ZNF320: variants seen among roughly 807,000 people sequenced by gnomAD.
The protein encoded by ZNF320 is zinc finger protein 320.
Under a neutral mutation model 6.8 loss-of-function variants are expected in ZNF320, and 2 were observed. The observed-to-expected ratio is 0.29, with a 90% confidence interval of 0.12 to 0.93. ZNF320 has a LOEUF of 0.93. Among genes scored for constraint, ZNF320 ranks in the 40% least tolerant of loss-of-function variants. ZNF320 has a pLI of 0.55. For missense variants in ZNF320, 472 were observed against 611.0 expected (o/e 0.77, Z 2.40); for synonymous variants, 208 against 203.2 (o/e 1.02, Z -0.20).
At position 52,867,190 on chromosome 19, in the gene ZNF320, AT is replaced by A. The variant is rs1455411502; in HGVS notation, c.224-3032del. ...ATTTAATTAATTAATTAATTAATTA[AT>A]TTATTTATTTATGTATTTATTTTTT... On this transcript the variant is annotated intron_variant, in intron 5 of 5. Coordinates refer to the ZNF320 transcript ENST00000673631. Among the ~76,000 whole-genome samples, 805 of 149,572 alleles carry A rather than the reference AT, an allele frequency of 5.4e-3. 9 individuals are homozygous for A. The highest frequency in any genetic ancestry group is 0.017 in the African/African-American group (687 of 39,360).
At chr19:52,872,692 G>A (rs180958221), downstream of ZNF320, among the ~76,000 whole-genome samples, 3 of 152,158 alleles carry the variant, frequency 2.0e-5, no homozygotes, top group African/African-American at 4.8e-5. Context: ...TAGTAGAGAC[G>A]GGGTTTCACC....
rs1033994925 is a variant in ZNF320, at chr19:52,897,510, G to C, written c.-270+10C>G. 3 of 152,224 alleles carry C rather than the reference G, an allele frequency of 2.0e-5. No individual in the cohort carries two copies. The highest frequency in any genetic ancestry group is 4.4e-5 in the Non-Finnish European group (3 of 68,070). 9.4% of individuals were successfully genotyped at this position (152,224 alleles called of 1,614,324 possible). A position where few individuals can be genotyped will look rare whatever the true frequency, so the allele number is the denominator to read the frequency against. The stretch of plus-strand genomic sequence containing the variant: ...CCACTTTAAACTCGAAGGGACTCAC[G>C]GACTCTCACCCGGACGTCTCAATTT... On this transcript the variant is annotated intron_variant, in intron 1 of 5. Coordinates refer to ENST00000682928, the MANE Select transcript of ZNF320 (RefSeq NM_001351774.2).
downstream of ZNF320, chr19:52,873,952 G>T (rs781378595): frequency 2.1e-5 from 9 of 422,686 alleles, 1 homozygote; most frequent in South Asian, 1.7e-4. Context: ...ATTTCAGAAA[G>T]GAAAGAGACA....
chr19:52,891,661 A>C (rs1252124083), intron 2 of ZNF320, among the ~76,000 whole-genome samples: 2 of 152,214 alleles, frequency 1.3e-5, no homozygotes, highest in Non-Finnish European at 2.9e-5. Flanking sequence ...GGACACTGGC[A>C]GGGGCCCTGG....
At chr19:52,870,591 A>G (rs1054515855) in intron 5 of ZNF320, among the ~76,000 whole-genome samples, 1 of 151,848 alleles carries the variant, frequency 6.6e-6, no homozygotes, top group Non-Finnish European at 1.5e-5. Context: ...CCATCCATGT[A>G]TTTATGCACA....
In ZNF320 at chr19:52,876,255, C is replaced by T. The variant is rs1421001826; in HGVS notation, c.*4341G>A. ...TTTATCAAGTACACATCGAAACAACCTAAAATCATTTATCAGGTACTAGAA... is the reference window on the plus strand; with the variant it reads ...TTTATCAAGTACACATCGAAACAACTTAAAATCATTTATCAGGTACTAGAA... On this transcript the variant is annotated 3_prime_UTR_variant, in exon 6 of 6. Coordinates refer to ENST00000682928, the MANE Select transcript of ZNF320 (RefSeq NM_001351774.2). The T allele has an allele frequency of 6.6e-6, 1 of 152,102 alleles. No homozygotes were observed. Among genetic ancestry groups the T allele is most frequent in the East Asian group, 1.9e-4 (1 of 5,196 alleles). The allele number at this position is 152,102 out of a possible 1,614,324, so 9.4% of individuals were successfully genotyped here. A position where few individuals can be genotyped will look rare whatever the true frequency, so the allele number is the denominator to read the frequency against.
Position 52,880,463 on chromosome 19 carries a change from A to G in ZNF320, c.*133T>C. 2.2e-6 allele frequency: 2 copies of G among 895,030 alleles called. No homozygotes were observed. Among genetic ancestry groups the G allele is most frequent in the Non-Finnish European group, 3.3e-6 (2 of 607,376 alleles). The allele number at this position is 895,030 out of a possible 1,614,324, so 55.4% of individuals were successfully genotyped here. On this transcript the variant is annotated 3_prime_UTR_variant, in exon 6 of 6. Coordinates refer to ENST00000682928, the MANE Select transcript of ZNF320 (RefSeq NM_001351774.2). ...TGACCTACCTGTCTTGGCCTCTCAAAGTGCTGGGATTACAGGTGTGAGACA... is the reference window on the plus strand; with the variant it reads ...TGACCTACCTGTCTTGGCCTCTCAAGGTGCTGGGATTACAGGTGTGAGACA...
Position 52,881,931 on chromosome 19 carries a change from A to G in ZNF320, c.195T>C (p.Asn65=). The G allele has an allele frequency of 1.2e-6, 2 of 1,610,288 alleles. No individual in the cohort carries two copies. The highest frequency in any genetic ancestry group is 2.2e-5 in the East Asian group (1 of 44,852). ...ATGTCCCTGTGTGGATCACTTCTGT[A>G]TTGCCTTGCCCTGTTGATGACAATG... ...MNTLSSTGQG[N]TEVIHTGTLQ... The change falls in exon 6 of 6, where the codon AAT becomes AAC. Residue 65 remains asparagine (N), a synonymous_variant. Transcript: ENST00000682928.
In ZNF320 at chr19:52,879,151, T is replaced by C. The variant is rs556812841; in HGVS notation, c.*1445A>G. On this transcript the variant is annotated 3_prime_UTR_variant, in exon 6 of 6. Coordinates refer to ENST00000682928, the MANE Select transcript of ZNF320 (RefSeq NM_001351774.2). ...TATCAGTTTATCTTGGTGCAAAAAA[T>C]GTGATATCATGCACAATTTTCTCAT... The C allele has an allele frequency of 6.6e-6, 1 of 152,268 alleles. No homozygotes were observed. The highest frequency in any genetic ancestry group is 1.5e-5 in the Non-Finnish European group (1 of 68,074). The allele number at this position is 152,268 out of a possible 1,614,324, so 9.4% of individuals were successfully genotyped here.
intron 5 of ZNF320, among the ~76,000 whole-genome samples, chr19:52,865,629 A>G (rs1412853117): frequency 4.6e-5 from 6 of 131,134 alleles, no homozygotes; most frequent in East Asian, 2.1e-4. Flanking sequence ...ATATTTATAT[A>G]TGATTATACA....
downstream of ZNF320, among the ~76,000 whole-genome samples, chr19:52,875,745 A>C (rs2063754397): frequency 1.3e-5 from 2 of 151,792 alleles, no homozygotes; most frequent in Non-Finnish European, 2.9e-5. Flanking sequence ...GTGCCACTGC[A>C]CTCAAGCATG....
chr19:52,864,700 C>T (rs10414044), intron 5 of ZNF320, among the ~76,000 whole-genome samples: 77,819 of 151,840 alleles, frequency 0.51, 20,420 homozygotes, highest in African/African-American at 0.61. Flanking sequence ...AACAGAGAGA[C>T]ACTCCATCTC....
chr19:52,867,388 G>A (rs1245931823), intron 5 of ZNF320, among the ~76,000 whole-genome samples: 3 of 151,656 alleles, frequency 2.0e-5, no homozygotes, highest in Non-Finnish European at 2.9e-5. Context: ...AGTATAGACG[G>A]GGTTTCACCA....
chr19:52,874,418 G>T (rs1252066004), downstream of ZNF320, among the ~76,000 whole-genome samples: 1 of 152,136 alleles, frequency 6.6e-6, no homozygotes. Context: ...GGAGGAAACT[G>T]CCTTGATTTT....
rs1555814106 is a variant in ZNF320 at position 52,865,434 on chromosome 19, T to TTATATATATA, written c.224-1285_224-1276dup. 4.6e-5 allele frequency: 7 copies of TTATATATATA among 152,764 alleles called. 1 individual carries two copies. Among genetic ancestry groups the TTATATATATA allele is most frequent in the African/African-American group, 1.9e-4 (6 of 31,556 alleles). 9.5% of individuals were successfully genotyped at this position (152,764 alleles called of 1,614,324 possible). ...AAGCGTTCTGTGCAGGGTCCAGGCTTTATATATATATATATATGTAATACA... is the reference window on the plus strand; with the variant it reads ...AAGCGTTCTGTGCAGGGTCCAGGCTTTATATATATATATATATATATATATATGTAATACA... On this transcript the variant is annotated intron_variant, in intron 5 of 5. Coordinates refer to the ZNF320 transcript ENST00000673631.
intron 5 of ZNF320, among the ~76,000 whole-genome samples, chr19:52,882,520 C>T (rs189198117): frequency 3.3e-5 from 5 of 152,260 alleles, no homozygotes; most frequent in Admixed American, 3.3e-4. Flanking sequence ...TGGTAGCCCA[C>T]CCTGTCGTCC....
chr19:52,886,316 G>C (rs1301711510), intron 5 of ZNF320, among the ~76,000 whole-genome samples: 2 of 151,918 alleles, frequency 1.3e-5, no homozygotes, highest in Admixed American at 6.6e-5. Context: ...TGTAAATTTA[G>C]TACAGATGAA....
intron 3 of ZNF320, 110 bp from the exon 4 acceptor site, chr19:52,890,438 C>T (rs1358181707): frequency 3.4e-6 from 3 of 874,014 alleles, no homozygotes; most frequent in South Asian, 1.8e-5. Flanking sequence ...GTCCCCTCTG[C>T]TGCCCACTGC....
At chr19:52,899,515 T>C (rs2064561124), upstream of ZNF320, among the ~76,000 whole-genome samples, 1 of 152,114 alleles carries the variant, frequency 6.6e-6, no homozygotes. Flanking sequence ...CAGGCTGGAG[T>C]GCAGTGGTGC....
Sources: gnomAD v4.1 joint callset for allele counts (sites outside exome capture counted in the v4.1 genomes callset) on GRCh38, gnomAD v4.1.1 for gene constraint, MANE v1.5 for transcripts, NCBI Gene and HGNC (gene_info 2026-07-23, HGNC 2026-07-21) for gene names.